LAMB4: variants seen among roughly 807,000 people sequenced by gnomAD.
LAMB4 encodes laminin subunit beta-4.
A neutral mutation model predicts 199.2 loss-of-function variants in LAMB4; 196 were observed. The ratio of observed to expected loss-of-function variants is 0.98; its 90% confidence interval spans 0.88 to 1.11. LAMB4 has a LOEUF of 1.11. Among genes scored for constraint, LAMB4 ranks in the 50% least tolerant of loss-of-function variants. LAMB4 has a pLI of 0.00. For missense variants in LAMB4, 2,080 were observed against 2,171.2 expected (o/e 0.96, Z 0.83); for synonymous variants, 744 against 770.6 (o/e 0.97, Z 0.57).
the LAMB4 span, among the ~76,000 whole-genome samples, chr7:108,012,790 T>C: frequency 6.6e-6 from 1 of 152,100 alleles, no homozygotes; most frequent in Non-Finnish European, 1.5e-5. Context: ...TTTATCAGCC[T>C]CCCCTGCCAC....
intron 4 of LAMB4, among the ~76,000 whole-genome samples, chr7:108,109,820 A>G (rs75895278): frequency 0.014 from 2,190 of 152,226 alleles, 40 homozygotes; most frequent in African/African-American, 0.044. Context: ...TCTCTAGCAG[A>G]GATGTGGGGT....
intron 17 of LAMB4, among the ~76,000 whole-genome samples, chr7:108,070,717 T>C (rs2036504056): frequency 6.6e-6 from 1 of 152,350 alleles, no homozygotes; most frequent in African/African-American, 2.4e-5. Context: ...GGTAAGGCTT[T>C]CAGTCAACAG....
chr7:108,108,858 A>G (rs893143194), intron 5 of LAMB4, among the ~76,000 whole-genome samples: 8 of 152,232 alleles, frequency 5.3e-5, no homozygotes, highest in Non-Finnish European at 1.0e-4. Flanking sequence ...TTACCTAAAT[A>G]ATTTCCAGTT....
At chr7:108,074,532 C>A (rs926156405) in intron 17 of LAMB4, among the ~76,000 whole-genome samples, 1 of 152,046 alleles carries the variant, frequency 6.6e-6, no homozygotes, top group Admixed American at 6.5e-5. Context: ...CTACACCTGA[C>A]TAATTTTTGT....
Position 108,078,261 on chromosome 7 carries a change from T to A in LAMB4, c.1943A>T (p.His648Leu). Residue 648 changes from histidine (H) to leucine (L), a missense_variant, in exon 16 of 34, where the codon CAC becomes CTC. By Grantham distance (99) the His-to-Leu change is moderately conservative. Coordinates refer to ENST00000388781, the MANE Select transcript of LAMB4 (RefSeq NM_007356.3). ...IVVNPPGGSE[H>L]CIPKTLQSKP... ...TGACTGTAGAGTCTTGGGTATGCAG[T>A]GCTCACTCCCTCCAGGGGGGTTCAC... 6.2e-7 allele frequency: 1 copy of A among 1,611,840 alleles called. No individual in the cohort carries two copies. The highest frequency in any genetic ancestry group is 8.5e-7 in the Non-Finnish European group (1 of 1,179,246).
At chr7:108,043,993 G>A (rs974583566) in intron 28 of LAMB4, 97 bp from the exon 29 acceptor site, 16 of 1,049,648 alleles carry the variant, frequency 1.5e-5, no homozygotes, top group Non-Finnish European at 2.0e-5. Flanking sequence ...AAATAAAACT[G>A]TCACTAAAAA....
rs141929581 is a variant in LAMB4 at position 108,093,122 on chromosome 7, G to C, written c.1471-706C>G. On this transcript the variant is annotated intron_variant, in intron 12 of 33. Transcript: ENST00000388781. ...GAGTCTTGTTCTTTTGCCCACACTG[G>C]AGTGCAGTGGTACGATCTTGGCCAA... Among the ~76,000 whole-genome samples, 44 of 152,250 alleles carry C rather than the reference G, an allele frequency of 2.9e-4. No homozygotes were observed. The East Asian group carries it at 7.9e-3, about 28-fold the overall frequency.
At position 108,030,835 on chromosome 7, in the gene LAMB4, C is replaced by A. The variant is rs906400548; in HGVS notation, c.4963G>T (p.Ala1655Ser). 8 of 1,614,138 alleles carry A rather than the reference C, an allele frequency of 5.0e-6. No homozygotes were observed. In the South Asian group the frequency reaches 8.8e-5, roughly 18 times the overall value. Residue 1655 changes from alanine to serine, a missense_variant, in exon 32 of 34, where the codon GCC becomes TCC. Physicochemically the swap from Ala to Ser is moderately conservative, Grantham distance 99. Transcript: ENST00000388781. ...AVNAKVQAES[A>S]QHQAGSLEKE... ...TCAAGACTCCCAGCCTGGTGTTGGGCAGATTCAGCCTGAACTTTCGCATTG... is the reference window on the plus strand; with the variant it reads ...TCAAGACTCCCAGCCTGGTGTTGGGAAGATTCAGCCTGAACTTTCGCATTG...
intron 33 of LAMB4, among the ~76,000 whole-genome samples, chr7:108,024,725 C>T (rs2034773946): frequency 6.6e-6 from 1 of 152,030 alleles, no homozygotes; most frequent in Admixed American, 6.6e-5. Flanking sequence ...ATCCATCCAT[C>T]CATCCATCCA....
intron 33 of LAMB4, among the ~76,000 whole-genome samples, chr7:108,028,466 A>G (rs1426100728): frequency 1.3e-5 from 2 of 151,182 alleles, no homozygotes; most frequent in Non-Finnish European, 2.9e-5. Context: ...GTTAGAAAAA[A>G]AGGGCATTTT....
At chr7:108,015,862 C>T in the LAMB4 span, among the ~76,000 whole-genome samples, 1 of 151,350 alleles carries the variant, frequency 6.6e-6, no homozygotes, top group African/African-American at 2.4e-5. Context: ...ACATGCTAGT[C>T]CCCCCAGATT....
At chr7:108,107,479 G>T (rs1211850020) in intron 6 of LAMB4, 152 bp downstream of exon 6, 3 of 612,970 alleles carry the variant, frequency 4.9e-6, no homozygotes, top group African/African-American at 1.9e-5. Flanking sequence ...GTATTTATTT[G>T]GGAATCATTT....
intron 3 of LAMB4, among the ~76,000 whole-genome samples, chr7:108,114,029 G>A (rs2038324498): frequency 6.6e-6 from 1 of 152,084 alleles, no homozygotes; most frequent in Non-Finnish European, 1.5e-5. Flanking sequence ...TATTTTTGGT[G>A]GTATAACTTT....
intron 29 of LAMB4, among the ~76,000 whole-genome samples, chr7:108,042,945 G>C (rs1193410472): frequency 6.7e-6 from 1 of 150,070 alleles, no homozygotes; most frequent in Non-Finnish European, 1.5e-5. Context: ...CTCTGTGTGT[G>C]TGTGTGTGTG....
chr7:108,027,307 G>A (rs967189329), intron 33 of LAMB4, among the ~76,000 whole-genome samples: 5 of 151,850 alleles, frequency 3.3e-5, no homozygotes, highest in African/African-American at 4.8e-5. Context: ...ACATTTTAAC[G>A]AAAATACTTA....
At chr7:108,031,015 C>T (rs752381096) in intron 31 of LAMB4, 36 bp from the exon 32 acceptor site, 4 of 1,580,082 alleles carry the variant, frequency 2.5e-6, no homozygotes, top group African/African-American at 2.7e-5. Flanking sequence ...GGGAAAATCT[C>T]TTTATGAAAC....
At chr7:108,124,252 T>C (rs1217658378) in intron 1 of LAMB4, among the ~76,000 whole-genome samples, 1 of 152,212 alleles carries the variant, frequency 6.6e-6, no homozygotes, top group Non-Finnish European at 1.5e-5. Flanking sequence ...AATTACTGCA[T>C]AGTATTAGTC....
chr7:108,080,091 A>C (rs2150579548), intron 14 of LAMB4, among the ~76,000 whole-genome samples: 1 of 152,276 alleles, frequency 6.6e-6, no homozygotes, highest in African/African-American at 2.4e-5. Context: ...CACATTGATA[A>C]CCTTGGGTTT....
Position 108,107,626 on chromosome 7 carries a change from G to T in LAMB4, c.591+5C>A, listed in dbSNP as rs371336106. 1.5e-5 allele frequency: 24 copies of T among 1,573,584 alleles called. No individual in the cohort carries two copies. Among genetic ancestry groups the T allele is most frequent in the Middle Eastern group, 3.3e-4 (2 of 5,994 alleles). On this transcript the variant is annotated splice_donor_5th_base_variant and intron_variant, in intron 6 of 33. Transcript: ENST00000388781. ...ACAAAATAAATACAAGGAAGGAAAT[G>T]CTACCTCTCCACCTGTTGAGGGTTC...
Sources: gnomAD v4.1 joint callset for allele counts (sites outside exome capture counted in the v4.1 genomes callset) on GRCh38, gnomAD v4.1.1 for gene constraint, MANE v1.5 for transcripts, NCBI Gene and HGNC (gene_info 2026-07-23, HGNC 2026-07-21) for gene names.